Variants in CSMD1 observed in about 807,000 individuals in gnomAD.
CSMD1 encodes CUB and Sushi multiple domains 1.
A neutral mutation model predicts 417.5 loss-of-function variants in CSMD1; 213 were observed. That is an observed-to-expected ratio of 0.51 (90% CI 0.46 to 0.57). CSMD1 has a LOEUF of 0.57. CSMD1 is among the 20% of genes least tolerant of loss of function. CSMD1 has a pLI of 0.00. For missense variants in CSMD1, 6,923 were observed against 4,529.7 expected (o/e 1.53, Z -15.17); for synonymous variants, 2,862 against 1,736.8 (o/e 1.65, Z -16.11).
chr8:3,971,625 C>A (rs1813095857), intron 5 of CSMD1, among the ~76,000 whole-genome samples: 1 of 152,108 alleles, frequency 6.6e-6, no homozygotes, highest in South Asian at 2.1e-4. Flanking sequence ...ACTTCTATTT[C>A]CTCAAGGGAG....
chr8:3,649,396 G>C (rs62474660), intron 7 of CSMD1, among the ~76,000 whole-genome samples: 4 of 152,036 alleles, frequency 2.6e-5, no homozygotes, highest in African/African-American at 9.7e-5. Context: ...GTATTAGTTC[G>C]TTTTCACACT....
At chr8:4,051,591 T>C (rs1300748359) in intron 3 of CSMD1, among the ~76,000 whole-genome samples, 2 of 152,160 alleles carry the variant, frequency 1.3e-5, no homozygotes, top group East Asian at 3.9e-4. Context: ...TCCTCAGAAG[T>C]GCTAAGTGCA....
chr8:4,509,327 C>T (rs1802697487), intron 2 of CSMD1, among the ~76,000 whole-genome samples: 1 of 152,056 alleles, frequency 6.6e-6, no homozygotes, highest in Non-Finnish European at 1.5e-5. Flanking sequence ...CAACCCCCAC[C>T]CTCTGGAAAA....
At chr8:4,382,637 G>A (rs905436110) in intron 3 of CSMD1, among the ~76,000 whole-genome samples, 19 of 152,300 alleles carry the variant, frequency 1.2e-4, no homozygotes, top group Non-Finnish European at 1.5e-4. Flanking sequence ...TTGCATCTAA[G>A]TTTAGGAAAA....
intron 26 of CSMD1, among the ~76,000 whole-genome samples, chr8:3,250,168 A>C (rs1800159858): frequency 6.6e-6 from 1 of 152,150 alleles, no homozygotes; most frequent in Non-Finnish European, 1.5e-5. Context: ...TTAAGTCGTC[A>C]TTTAACATTA....
chr8:3,572,206 G>A (rs543757697), intron 10 of CSMD1, among the ~76,000 whole-genome samples: 1 of 152,134 alleles, frequency 6.6e-6, no homozygotes, highest in East Asian at 1.9e-4. Context: ...AGGGCGGTGG[G>A]AGCCCCCTCT....
intron 6 of CSMD1, among the ~76,000 whole-genome samples, chr8:3,749,652 G>A (rs1032451469): frequency 1.3e-5 from 2 of 152,134 alleles, no homozygotes; most frequent in African/African-American, 2.4e-5. Flanking sequence ...AGCATCATAC[G>A]CTGGAAAACA....
intron 8 of CSMD1, among the ~76,000 whole-genome samples, chr8:3,614,770 C>T (rs958919732): frequency 2.6e-5 from 4 of 152,196 alleles, no homozygotes; most frequent in Non-Finnish European, 5.9e-5. Flanking sequence ...TTGTGCCACG[C>T]ACAGTTTTAG....
chr8:4,345,375 C>T (rs1206805680), intron 3 of CSMD1, among the ~76,000 whole-genome samples: 2 of 152,046 alleles, frequency 1.3e-5, no homozygotes, highest in Admixed American at 1.3e-4. Context: ...TGTAATTATA[C>T]ACACTTATGC....
chr8:3,920,487 T>C (rs918240826), intron 5 of CSMD1, among the ~76,000 whole-genome samples: 9 of 152,132 alleles, frequency 5.9e-5, no homozygotes, highest in African/African-American at 2.2e-4. Context: ...ACTTTCCTAA[T>C]TGATCTGGCT....
intron 37 of CSMD1, among the ~76,000 whole-genome samples, chr8:3,178,989 C>T (rs1029579634): frequency 6.6e-5 from 10 of 150,474 alleles, no homozygotes; most frequent in African/African-American, 2.2e-4. Flanking sequence ...ACTCTGTCAC[C>T]CAGGCTGGAG....
At chr8:3,956,198 C>G (rs1224265159) in intron 5 of CSMD1, among the ~76,000 whole-genome samples, 2 of 152,218 alleles carry the variant, frequency 1.3e-5, no homozygotes, top group African/African-American at 2.4e-5. Context: ...TTAACCATAA[C>G]TAAATGTAGA....
intron 9 of CSMD1, among the ~76,000 whole-genome samples, chr8:3,584,538 AGT>A (rs1800518242): frequency 2.8e-5 from 2 of 71,784 alleles, no homozygotes; most frequent in South Asian, 4.6e-4. Flanking sequence ...AGCACCTCTG[AGT>A]GTGTGATATC....
At chr8:4,837,324 T>G (rs1800553923) in intron 1 of CSMD1, among the ~76,000 whole-genome samples, 1 of 152,194 alleles carries the variant, frequency 6.6e-6, no homozygotes, top group African/African-American at 2.4e-5. Context: ...CTGTTTACAA[T>G]AGCAGAGATT....
At chr8:4,143,686 T>A (rs763712485) in intron 3 of CSMD1, among the ~76,000 whole-genome samples, 1 of 150,760 alleles carries the variant, frequency 6.6e-6, no homozygotes, top group Non-Finnish European at 1.5e-5. Context: ...TTTAGAATAA[T>A]TGGATAAGAT....
intron 37 of CSMD1, among the ~76,000 whole-genome samples, chr8:3,168,408 G>A (rs1191574029): frequency 1.3e-5 from 2 of 152,146 alleles, no homozygotes; most frequent in Non-Finnish European, 2.9e-5. Context: ...CAGAGGTGCT[G>A]CTCGTTATTT....
At chr8:3,492,861 C>T (rs904666320) in intron 11 of CSMD1, among the ~76,000 whole-genome samples, 15 of 151,710 alleles carry the variant, frequency 9.9e-5, no homozygotes, top group South Asian at 8.3e-4. Flanking sequence ...TACTTTATTA[C>T]GCAGTTTTAC....
chr8:4,146,498 C>T (rs920342253), intron 3 of CSMD1, among the ~76,000 whole-genome samples: 9 of 147,332 alleles, frequency 6.1e-5, no homozygotes, highest in African/African-American at 1.3e-4. Flanking sequence ...GTTCCTCAGA[C>T]GTTGTGATGT....
At chr8:4,409,397 A>G (rs990745554) in intron 3 of CSMD1, among the ~76,000 whole-genome samples, 4 of 152,144 alleles carry the variant, frequency 2.6e-5, no homozygotes, top group African/African-American at 9.7e-5. Flanking sequence ...ACCCTTTCTC[A>G]GTGATTTTCA....
Sources: allele counts gnomAD v4.1 joint callset (sites outside exome capture counted in the v4.1 genomes callset), GRCh38; gene constraint gnomAD v4.1.1; transcripts MANE v1.5; gene names NCBI Gene and HGNC (gene_info 2026-07-23, HGNC 2026-07-21).